The following CAVIN4 variants were observed in gnomAD, a reference collection of about 807,000 sequenced individuals.
CAVIN4 encodes the protein caveolae associated protein 4.
Under a neutral mutation model 18.6 loss-of-function variants are expected in CAVIN4, and 10 were observed. That is an observed-to-expected ratio of 0.54 (90% CI 0.33 to 0.91). The LOEUF (loss-of-function observed/expected upper bound fraction) is 0.91, where lower values mean the gene tolerates loss of function less well. CAVIN4 is among the 40% of genes least tolerant of loss of function. The pLI is 0.02. For missense variants in CAVIN4, 459 were observed against 440.5 expected (o/e 1.04, Z -0.38); for synonymous variants, 173 against 164.8 (o/e 1.05, Z -0.38).
Position 100,586,006 on chromosome 9 carries a change from A to C in CAVIN4, c.650A>C (p.Lys217Thr), listed in dbSNP as rs1389665433. 6.2e-7 allele frequency: 1 copy of C among 1,614,206 alleles called. No homozygotes were observed. The highest frequency in any genetic ancestry group is 8.5e-7 in the Non-Finnish European group (1 of 1,180,032). Residue 217 changes from lysine to threonine, a missense_variant, in exon 2 of 2, where the codon AAA becomes ACA. Coordinates refer to ENST00000307584, the MANE Select transcript of CAVIN4 (RefSeq NM_001018116.2). ...AAGACACGGCAGAATCTTGACAAGA[A>C]AGTGAACAGAATTAGAACTAGAATA... ...MQKTRQNLDKKVNRIRTRIVT... is the reference protein window; with the variant it reads ...MQKTRQNLDKTVNRIRTRIVT...
chr9:100,585,331 T>C (rs1227498741), intron 1 of CAVIN4, among the ~76,000 whole-genome samples: 1 of 152,152 alleles, frequency 6.6e-6, no homozygotes, highest in African/African-American at 2.4e-5. Flanking sequence ...TTCTATCTTA[T>C]GTGGCACCTG....
At chr9:100,579,219 C>T (rs1839403385) in intron 1 of CAVIN4, among the ~76,000 whole-genome samples, 1 of 152,094 alleles carries the variant, frequency 6.6e-6, no homozygotes, top group Non-Finnish European at 1.5e-5. Context: ...TTGTGTGTGG[C>T]ATTGTGTATT....
intron 1 of CAVIN4, 21 bp downstream of exon 1, chr9:100,578,572 A>T: frequency 6.2e-7 from 1 of 1,612,126 alleles, no homozygotes; most frequent in South Asian, 1.1e-5. Flanking sequence ...ACTTGTGTTC[A>T]GCTTGCTTGT....
chr9:100,582,334 C>CTT (rs113289013), intron 1 of CAVIN4, among the ~76,000 whole-genome samples: 45,694 of 149,338 alleles, frequency 0.31, 7,488 homozygotes, highest in Admixed American at 0.41. Flanking sequence ...GATTGGACCT[C>CTT]TTTCTCTCTC....
At chr9:100,579,914 A>G (rs1024315887) in intron 1 of CAVIN4, among the ~76,000 whole-genome samples, 1 of 152,064 alleles carries the variant, frequency 6.6e-6, no homozygotes, top group Admixed American at 6.6e-5. Context: ...GGGATGGTGG[A>G]GTGGTATTTT....
Position 100,578,459 on chromosome 9 carries a change from CG to C in CAVIN4, c.319del (p.Val107TrpfsTer18), listed in dbSNP as rs1839393145. 1 of 1,613,786 alleles carries C rather than the reference CG, an allele frequency of 6.2e-7. No individual in the cohort carries two copies. Among genetic ancestry groups the C allele is most frequent in the Admixed American group, 1.7e-5 (1 of 60,000 alleles). ...VSAHIKDVKA[R>X]VEKQQIHVKK... ...TGCTCACATTAAAGATGTGAAAGCC[CG>C]GGTGGAGAAGCAACAAATTCATGTT... On this transcript the variant is annotated frameshift_variant, in exon 1 of 2. Coordinates refer to ENST00000307584, the MANE Select transcript of CAVIN4 (RefSeq NM_001018116.2). LOFTEE classifies it high-confidence loss of function.
intron 1 of CAVIN4, among the ~76,000 whole-genome samples, chr9:100,582,816 A>G (rs764915353): frequency 2.6e-5 from 4 of 152,166 alleles, no homozygotes; most frequent in Non-Finnish European, 5.9e-5. Context: ...ATATTTTTTA[A>G]TAACATATTT....
chr9:100,586,108 C>G lies in CAVIN4; in HGVS notation c.752C>G (p.Ser251Ter). The part of the protein sequence containing the change: ...LRQSGERLRQ[S>*]GERFKKSISN... ...CAGTCAGGGGAGAGGCTGAGACAGT[C>G]AGGGGAGAGGTTTAAGAAATCTATT... The change falls in exon 2 of 2, where the codon TCA becomes TGA. Residue 251 changes from serine (S) to a stop codon, truncating the protein, a stop_gained. Transcript: ENST00000307584. LOFTEE classifies it low-confidence loss of function (END_TRUNC). 6.2e-7 allele frequency: 1 copy of G among 1,605,704 alleles called. No homozygotes were observed. The highest frequency in any genetic ancestry group is 1.1e-5 in the South Asian group (1 of 89,914).
chr9:100,578,223 A>T lies in CAVIN4; in HGVS notation c.80A>T (p.Gln27Leu), dbSNP rs111495535. 1.9e-6 allele frequency: 3 copies of T among 1,613,920 alleles called. No homozygotes were observed. The South Asian group carries it at 3.3e-5, about 18-fold the overall frequency. The change falls in exon 1 of 2, where the codon CAA becomes CTA. Residue 27 changes from glutamine to leucine, a missense_variant. Transcript: ENST00000307584. ...RLSSVTEDED[Q>L]DAALTIVTVL... ...TCGAGTGTTACAGAAGATGAAGACC[A>T]AGACGCTGCTCTTACCATTGTGACT...
Position 100,586,083 on chromosome 9 carries a change from C to G in CAVIN4, c.727C>G (p.Gln243Glu), listed in dbSNP as rs756021968. ...AAGGCAGTCAGGAGAGAGGCTGAGA[C>G]AGTCAGGGGAGAGGCTGAGACAGTC... ...RLRQSGERLR[Q>E]SGERLRQSGE... The change falls in exon 2 of 2, where the codon CAG becomes GAG. Residue 243 changes from glutamine (Q) to glutamate (E), a missense_variant. Physicochemically the swap from Gln to Glu is conservative, Grantham distance 29 (BLOSUM62 2). Transcript: ENST00000307584. 1.2e-6 allele frequency: 2 copies of G among 1,612,006 alleles called. No individual in the cohort carries two copies. Among genetic ancestry groups the G allele is most frequent in the Non-Finnish European group, 1.7e-6 (2 of 1,178,762 alleles).
Position 100,578,296 on chromosome 9 carries a change from G to A in CAVIN4, c.153G>A (p.Gln51=). The change falls in exon 1 of 2, where the codon CAG becomes CAA. Residue 51 remains glutamine (Q), a synonymous_variant. Transcript: ENST00000307584. ...TCGTGGACAGTGTGCAGGCAAGCCA[G>A]AAGAGAATAGAAGAGAGACACAGGG... ...ASIVDSVQAS[Q]KRIEERHREM... 1 of 1,614,056 alleles carries A rather than the reference G, an allele frequency of 6.2e-7. No individual in the cohort carries two copies. Among genetic ancestry groups the A allele is most frequent in the Non-Finnish European group, 8.5e-7 (1 of 1,180,000 alleles).
Position 100,586,351 on chromosome 9 carries a change from G to A in CAVIN4, c.995G>A (p.Arg332Lys). The change falls in exon 2 of 2, where the codon AGG becomes AAG. Residue 332 changes from arginine to lysine, a missense_variant. Transcript: ENST00000307584. ...CCGGTGTATCCTCCCCATGAAGGAAGGGAAATCCCCACCCCCGAGCCTTTA... is the reference window on the plus strand; with the variant it reads ...CCGGTGTATCCTCCCCATGAAGGAAAGGAAATCCCCACCCCCGAGCCTTTA... ...ARPVYPPHEG[R>K]EIPTPEPLKV... The A allele has an allele frequency of 6.2e-7, 1 of 1,613,972 alleles. No homozygotes were observed. Among genetic ancestry groups the A allele is most frequent in the East Asian group, 2.2e-5 (1 of 44,866 alleles).
rs759706670 is a variant in CAVIN4 at position 100,585,901 on chromosome 9, G to A, written c.545G>A (p.Ser182Asn). ...SSDEEYYVEE[S>N]RSARLRKSGK... Reference sequence around the variant, plus strand: ...GATGAAGAATATTATGTTGAAGAAAGCAGATCTGCCAGGCTTAGGAAGTCA... The same window carrying A: ...GATGAAGAATATTATGTTGAAGAAAACAGATCTGCCAGGCTTAGGAAGTCA... Residue 182 changes from serine (S) to asparagine (N), a missense_variant, in exon 2 of 2, where the codon AGC becomes AAC. Physicochemically the swap from Ser to Asn is conservative, Grantham distance 46. Coordinates refer to ENST00000307584, the MANE Select transcript of CAVIN4 (RefSeq NM_001018116.2). 1.9e-6 allele frequency: 3 copies of A among 1,614,144 alleles called. No individual in the cohort carries two copies. The highest frequency in any genetic ancestry group is 1.1e-5 in the South Asian group (1 of 91,082).
chr9:100,580,166 G>A (rs754031574), intron 1 of CAVIN4, among the ~76,000 whole-genome samples: 1 of 151,828 alleles, frequency 6.6e-6, no homozygotes, highest in Non-Finnish European at 1.5e-5. Context: ...GTGTGTCGTC[G>A]CGTGCCTGTG....
intron 1 of CAVIN4, among the ~76,000 whole-genome samples, chr9:100,579,752 A>G (rs897751172): frequency 1.3e-5 from 2 of 152,218 alleles, no homozygotes; most frequent in Non-Finnish European, 2.9e-5. Flanking sequence ...GAAAAAAACT[A>G]GAAGAATATA....
In CAVIN4 at chr9:100,586,370, GC is replaced by G; in HGVS notation, c.1016del (p.Pro339LeufsTer2). ...AAGGAAGGGAAATCCCCACCCCCGA[GC>G]CTTTAAAAGTTACTTTTAAATCTCA... is the stretch of plus-strand genomic sequence containing the variant. ...HEGREIPTPE[P>X]LKVTFKSQVK... On this transcript the variant is annotated frameshift_variant, in exon 2 of 2. Coordinates refer to ENST00000307584, the MANE Select transcript of CAVIN4 (RefSeq NM_001018116.2). 6.2e-7 allele frequency: 1 copy of G among 1,614,036 alleles called. No homozygotes were observed. Among genetic ancestry groups the G allele is most frequent in the East Asian group, 2.2e-5 (1 of 44,866 alleles).
intron 1 of CAVIN4, among the ~76,000 whole-genome samples, chr9:100,580,404 T>C (rs763806133): frequency 1.3e-5 from 2 of 152,246 alleles, no homozygotes; most frequent in Non-Finnish European, 2.9e-5. Flanking sequence ...ATTTGCCTTC[T>C]GAAGATGTTC....
At chr9:100,581,880 T>G (rs1395033602) in intron 1 of CAVIN4, among the ~76,000 whole-genome samples, 1 of 152,162 alleles carries the variant, frequency 6.6e-6, no homozygotes, top group Non-Finnish European at 1.5e-5. Flanking sequence ...GAGGAATAAT[T>G]TCGCTGCTTC....
At chr9:100,579,117 A>C (rs958621546) in intron 1 of CAVIN4, among the ~76,000 whole-genome samples, 3 of 152,150 alleles carry the variant, frequency 2.0e-5, no homozygotes, top group Non-Finnish European at 2.9e-5. Flanking sequence ...TATTTTTCTT[A>C]TTATTATAGT....
Sources: gnomAD v4.1 joint callset for allele counts (sites outside exome capture counted in the v4.1 genomes callset) on GRCh38, gnomAD v4.1.1 for gene constraint, MANE v1.5 for transcripts, NCBI Gene and HGNC (gene_info 2026-07-23, HGNC 2026-07-21) for gene names.